The following ALG6 variants were observed in gnomAD, a reference collection of about 807,000 sequenced individuals.
ALG6 encodes dolichyl pyrophosphate Man9GlcNAc2 alpha-1,3-glucosyltransferase.
Under a neutral mutation model 66.6 loss-of-function variants are expected in ALG6, and 46 were observed. The ratio of observed to expected loss-of-function variants is 0.69; its 90% CI spans 0.55 to 0.88. The LOEUF (loss-of-function observed/expected upper bound fraction) is 0.88, where lower values mean the gene tolerates loss of function less well. Ranked by LOEUF, ALG6 falls within the 40% of genes least tolerant of loss-of-function variation. ALG6 has a pLI of 0.00. For synonymous variants in ALG6, 185 were observed against 203.7 expected (o/e 0.91, Z 0.78); for missense variants, 505 against 586.8 (o/e 0.86, Z 1.44).
intron 10 of ALG6, among the ~76,000 whole-genome samples, chr1:63,415,449 A>T (rs1227530092): frequency 6.6e-6 from 1 of 152,218 alleles, no homozygotes; most frequent in Non-Finnish European, 1.5e-5. Flanking sequence ...AATGTTTGTG[A>T]AATGAGGGCT....
chr1:63,389,567 A>T (rs1243113658), intron 2 of ALG6, among the ~76,000 whole-genome samples: 1 of 152,154 alleles, frequency 6.6e-6, no homozygotes, highest in African/African-American at 2.4e-5. Context: ...TCACTCTGAG[A>T]TTGGTTGCTG....
chr1:63,398,204 GC>G (rs1410054364), intron 3 of ALG6, among the ~76,000 whole-genome samples: 2 of 152,164 alleles, frequency 1.3e-5, no homozygotes. Context: ...TTGATAGGTT[GC>G]CTGTTCCCTA....
chr1:63,422,165 A>ATG (rs1557594803), intron 12 of ALG6, among the ~76,000 whole-genome samples: 1 of 112,904 alleles, frequency 8.9e-6, no homozygotes, highest in Non-Finnish European at 1.7e-5. Flanking sequence ...ATATATATAT[A>ATG]ACTATGAATT....
chr1:63,402,432 A>T, intron 4 of ALG6, 89 bp downstream of exon 4: 5 of 660,274 alleles, frequency 7.6e-6, no homozygotes, highest in Non-Finnish European at 1.1e-5. Context: ...TCTTGACTAG[A>T]GGAGAGATTG....
chr1:63,417,896 G>C (rs1023952228), intron 11 of ALG6, among the ~76,000 whole-genome samples: 6 of 152,150 alleles, frequency 3.9e-5, no homozygotes, highest in African/African-American at 1.4e-4. Context: ...AGCACTTTGG[G>C]AGGCCGAGGC....
At chr1:63,401,634 G>A (rs1213273379) in intron 3 of ALG6, among the ~76,000 whole-genome samples, 2 of 151,362 alleles carry the variant, frequency 1.3e-5, no homozygotes, top group Non-Finnish European at 2.9e-5. Context: ...CCGAGATTGC[G>A]CCACTGCACT....
At position 63,400,255 on chromosome 1, in the gene ALG6, G is replaced by GTA. The variant is rs1293021518; in HGVS notation, c.168-1988_168-1987dup. ...TATATATATATATACGTATATATAT[G>GTA]TATATATATATACGTATATATATAT... On this transcript the variant is annotated intron_variant, in intron 3 of 14. Coordinates refer to ENST00000263440, the MANE Select transcript of ALG6 (RefSeq NM_013339.4). Among the ~76,000 whole-genome samples, 11 of 2,632 alleles carry GTA rather than the reference G, an allele frequency of 4.2e-3. 5 individuals are homozygous for GTA. The highest frequency in any genetic ancestry group is 3.6e-3 in the Non-Finnish European group (7 of 1,924). The allele number at this position is 2,632 out of a possible 152,430, so 1.7% of individuals were successfully genotyped here. A position where few individuals can be genotyped will look rare whatever the true frequency, so the allele number is the denominator to read the frequency against.
intron 3 of ALG6, among the ~76,000 whole-genome samples, chr1:63,398,249 A>T (rs1644421690): frequency 6.6e-6 from 1 of 152,182 alleles, no homozygotes; most frequent in African/African-American, 2.4e-5. Flanking sequence ...TGGAAGAGGA[A>T]CTCGAAACAC....
chr1:63,412,647 A>G (rs1236920490), intron 9 of ALG6, among the ~76,000 whole-genome samples: 1 of 152,146 alleles, frequency 6.6e-6, no homozygotes, highest in Non-Finnish European at 1.5e-5. Flanking sequence ...TGAGATATAT[A>G]ACCTTCATCC....
At position 63,400,261 on chromosome 1, in the gene ALG6, ATATATACG is replaced by A. The variant is rs1644450356; in HGVS notation, c.168-1986_168-1979del. Among the ~76,000 whole-genome samples the A allele has an allele frequency of 1.4e-3, 2 of 1,442 alleles. 1 individual carries two copies. Among genetic ancestry groups the A allele is most frequent in the African/African-American group, 4.5e-3 (2 of 440 alleles). 0.9% of individuals were successfully genotyped at this position (1,442 alleles called of 152,430 possible). A position where few individuals can be genotyped will look rare whatever the true frequency, so the allele number is the denominator to read the frequency against. On this transcript the variant is annotated intron_variant, in intron 3 of 14. Coordinates refer to ENST00000263440, the MANE Select transcript of ALG6 (RefSeq NM_013339.4). ...TATATATACGTATATATATGTATAT[ATATATACG>A]TATATATATATACGTATATATATAT...
chr1:63,384,733 T>C (rs1648446173), intron 2 of ALG6, among the ~76,000 whole-genome samples: 1 of 152,134 alleles, frequency 6.6e-6, no homozygotes, highest in African/African-American at 2.4e-5. Flanking sequence ...CCAAAGAGAC[T>C]CTCTTTTCCC....
intron 14 of ALG6, 36 bp downstream of exon 14, chr1:63,429,162 G>T: frequency 6.9e-7 from 1 of 1,446,012 alleles, no homozygotes; most frequent in Non-Finnish European, 9.6e-7. Flanking sequence ...ACATTTTTCA[G>T]CATGTCACTA....
intron 2 of ALG6, among the ~76,000 whole-genome samples, chr1:63,393,928 A>G (rs1255509692): frequency 6.7e-6 from 1 of 149,142 alleles, no homozygotes; most frequent in African/African-American, 2.6e-5. Flanking sequence ...TCTGAGAGAT[A>G]GAGAGACAGA....
intron 3 of ALG6, among the ~76,000 whole-genome samples, chr1:63,401,764 T>C (rs1275448270): frequency 1.3e-5 from 2 of 152,096 alleles, no homozygotes; most frequent in Non-Finnish European, 2.9e-5. Flanking sequence ...AGAAAATAAA[T>C]GGAATAGAAG....
chr1:63,398,257 C>T (rs1644421736), intron 3 of ALG6, among the ~76,000 whole-genome samples: 1 of 152,140 alleles, frequency 6.6e-6, no homozygotes, highest in African/African-American at 2.4e-5. Flanking sequence ...GAACTCGAAA[C>T]ACTTTAAATG....
At chr1:63,401,665 A>C (rs1644466083) in intron 3 of ALG6, among the ~76,000 whole-genome samples, 1 of 151,882 alleles carries the variant, frequency 6.6e-6, no homozygotes, top group Admixed American at 6.6e-5. Context: ...TGACGGAGCA[A>C]GATTCCGTCT....
intron 3 of ALG6, among the ~76,000 whole-genome samples, chr1:63,398,558 C>A (rs1342885994): frequency 1.3e-5 from 2 of 152,148 alleles, no homozygotes; most frequent in Non-Finnish European, 2.9e-5. Context: ...CTGCAAGCTC[C>A]GCCTCCCAGG....
rs550740357 is a variant in ALG6 at position 63,413,902 on chromosome 1, G to A, written c.817-159G>A. On this transcript the variant is annotated intron_variant, in intron 9 of 14. Transcript: ENST00000263440. ...GAAAAATGCTTGAGACAGTGTATGC[G>A]TATATGTTTATTCCTGGAGGATTTA... 6.5e-5 allele frequency: 38 copies of A among 588,308 alleles called. No individual in the cohort carries two copies. The Middle Eastern group carries it at 1.4e-3, about 22-fold the overall frequency. The allele number at this position is 588,308 out of a possible 1,614,324, so 36.4% of individuals were successfully genotyped here.
chr1:63,383,762 T>G (rs1330363797), intron 2 of ALG6, among the ~76,000 whole-genome samples: 1 of 152,228 alleles, frequency 6.6e-6, no homozygotes, highest in African/African-American at 2.4e-5. Flanking sequence ...TATCAAATAC[T>G]AGATCTTATT....
Sources: allele counts gnomAD v4.1 joint callset (sites outside exome capture counted in the v4.1 genomes callset), GRCh38; gene constraint gnomAD v4.1.1; transcripts MANE v1.5; gene names NCBI Gene and HGNC (gene_info 2026-07-23, HGNC 2026-07-21).